HDAC4: variants seen among roughly 807,000 people sequenced by gnomAD.
HDAC4 encodes the protein histone deacetylase 4, also known as histone deacetylase A.
HDAC4 carries 16 observed loss-of-function variants against 135.1 expected under a neutral mutation model. That is an observed-to-expected ratio of 0.12 (90% CI 0.08 to 0.18). HDAC4 has a LOEUF of 0.18. Ranked by LOEUF, HDAC4 falls within the 10% of genes least tolerant of loss-of-function variation. The pLI is 1.00. For missense variants in HDAC4, 1,143 were observed against 1,511.8 expected, an observed-to-expected ratio of 0.76 and a Z score of 4.05; for synonymous variants, 685 against 653.4, an observed-to-expected ratio of 1.05 and a Z score of -0.74.
At chr2:239,353,342 C>T (rs188662732) in intron 1 of HDAC4, among the ~76,000 whole-genome samples, 2 of 152,270 alleles carry the variant, frequency 1.3e-5, no homozygotes, top group East Asian at 1.9e-4. Flanking sequence ...TTGTTCTGAC[C>T]AAGGACTGAT....
chr2:239,250,628 G>C (rs1032453681), intron 2 of HDAC4, among the ~76,000 whole-genome samples: 4 of 152,186 alleles, frequency 2.6e-5, no homozygotes, highest in Non-Finnish European at 5.9e-5. Context: ...AGCGTGCACT[G>C]GCAGTGGTGA....
chr2:239,343,640 C>T (rs1692437944), intron 2 of HDAC4, among the ~76,000 whole-genome samples: 2 of 152,246 alleles, frequency 1.3e-5, no homozygotes, highest in Admixed American at 6.5e-5. Flanking sequence ...CAGCCCATCC[C>T]TCTCGTGGCA....
At chr2:239,073,036 C>T (rs572748200) in intron 22 of HDAC4, among the ~76,000 whole-genome samples, 52 of 152,322 alleles carry the variant, frequency 3.4e-4, no homozygotes, top group Middle Eastern at 3.4e-3. Flanking sequence ...CAAGCTCAGA[C>T]GGGAGAAGAG....
intron 19 of HDAC4, among the ~76,000 whole-genome samples, chr2:239,085,041 G>GACACACACAC (rs139333488): frequency 2.9e-5 from 4 of 138,894 alleles, no homozygotes; most frequent in African/African-American, 1.1e-4. Context: ...GAGACAGACA[G>GACACACACAC]ACACACACAC....
intron 2 of HDAC4, among the ~76,000 whole-genome samples, chr2:239,266,171 T>C (rs1416792054): frequency 6.6e-6 from 1 of 152,150 alleles, no homozygotes; most frequent in African/African-American, 2.4e-5. Context: ...CACACTGCCA[T>C]AGCCCCTCGC....
At position 239,330,344 on chromosome 2, in the gene HDAC4, T is replaced by G. The variant is rs528792435; in HGVS notation, c.22+22334A>C. On this transcript the variant is annotated intron_variant, in intron 2 of 26. Transcript: ENST00000543185. ...CCTCACAGGAGACCCCGCGAGGGAG[T>G]GGCAGCTGCTAACCCTGCCTGGTTC... 2.0e-5 allele frequency among the ~76,000 whole-genome samples: 3 copies of G among 152,172 alleles called. No homozygotes were observed. In the South Asian group the frequency reaches 6.2e-4, roughly 32 times the overall value.
chr2:239,267,424 G>A (rs1415295540), intron 2 of HDAC4, among the ~76,000 whole-genome samples: 1 of 152,216 alleles, frequency 6.6e-6, no homozygotes, highest in Non-Finnish European at 1.5e-5. Context: ...GCACCACTCA[G>A]CAGTTGCCCA....
At chr2:239,187,031 T>C (rs2044597082) in intron 4 of HDAC4, 1 of 152,666 alleles carries the variant, frequency 6.6e-6, no homozygotes, top group Non-Finnish European at 1.5e-5. Flanking sequence ...GGGGTCCTAA[T>C]CATGCACTGT....
chr2:239,071,089 G>GC (rs2034151504), intron 22 of HDAC4, among the ~76,000 whole-genome samples: 1 of 152,160 alleles, frequency 6.6e-6, no homozygotes, highest in Admixed American at 6.5e-5. Context: ...AATGGAGTGA[G>GC]CAGAAGCATT....
rs140938093 is a variant in HDAC4, at chr2:239,226,665, T to TGGGG, written c.94+9924_94+9927dup. 1.5e-3 allele frequency among the ~76,000 whole-genome samples: 220 copies of TGGGG among 151,710 alleles called. 2 individuals are homozygous for TGGGG. Among genetic ancestry groups the TGGGG allele is most frequent in the Non-Finnish European group, 2.4e-3 (161 of 67,818 alleles). On this transcript the variant is annotated intron_variant, in intron 3 of 26. Coordinates refer to ENST00000543185, the MANE Select transcript of HDAC4 (RefSeq NM_001378414.1). ...GCAACAACAACAATGTAACATGTAA[T>TGGGG]GGGGGGGGTGATAAATGTAGATAAC...
chr2:239,254,739 GA>G (rs140935424), intron 2 of HDAC4, among the ~76,000 whole-genome samples: 3,585 of 152,238 alleles, frequency 0.024, 137 homozygotes, highest in African/African-American at 0.083. Flanking sequence ...AACAGATAAC[GA>G]ATGAGAATAT....
intron 3 of HDAC4, among the ~76,000 whole-genome samples, chr2:239,229,354 C>T (rs2047415441): frequency 6.6e-6 from 1 of 152,164 alleles, no homozygotes; most frequent in Non-Finnish European, 1.5e-5. Flanking sequence ...TGAGTCATGG[C>T]TATTCATACC....
At chr2:239,378,546 A>T (rs1241277122) in intron 1 of HDAC4, among the ~76,000 whole-genome samples, 1 of 150,740 alleles carries the variant, frequency 6.6e-6, no homozygotes, top group African/African-American at 2.4e-5. Flanking sequence ...CTCACCTCCC[A>T]CTCTCCTCTG....
chr2:239,384,121 G>T (rs925048246), intron 1 of HDAC4, among the ~76,000 whole-genome samples: 4 of 152,200 alleles, frequency 2.6e-5, no homozygotes, highest in African/African-American at 9.6e-5. Context: ...AAAACCCAGG[G>T]GGACCTGGCT....
chr2:239,111,052 C>T (rs574565354), intron 14 of HDAC4, among the ~76,000 whole-genome samples: 4 of 152,392 alleles, frequency 2.6e-5, no homozygotes, highest in South Asian at 4.1e-4. Context: ...GCTCCCACAG[C>T]GTGTCCCAGG....
intron 16 of HDAC4, among the ~76,000 whole-genome samples, chr2:239,096,245 C>T (rs111589657): frequency 0.071 from 10,836 of 152,098 alleles, 1,302 homozygotes; most frequent in African/African-American, 0.25. Context: ...AGAGCAACTG[C>T]GATGGCCCCA....
Position 239,115,003 on chromosome 2 carries a change from A to T in HDAC4, c.1791+50T>A. The T allele has an allele frequency of 6.3e-7, 1 of 1,599,800 alleles. No individual in the cohort carries two copies. Among genetic ancestry groups the T allele is most frequent in the Non-Finnish European group, 8.5e-7 (1 of 1,177,172 alleles). On this transcript the variant is annotated intron_variant, in intron 13 of 26. Coordinates refer to ENST00000543185, the MANE Select transcript of HDAC4 (RefSeq NM_001378414.1). The surrounding 1 kb of genome is among the most constrained non-coding windows in gnomAD (Gnocchi z 6.3). ...CACAGAAGATGCCACCTGGGGACCG[A>T]GGGTGGCTGTGCGTGCCAGCCTTCT...
At chr2:239,053,388 C>T (rs545888392) in intron 26 of HDAC4, 72 bp downstream of exon 26, 1 of 1,572,596 alleles carries the variant, frequency 6.4e-7, no homozygotes, top group Non-Finnish European at 8.7e-7. Context: ...AAGGTTCTGA[C>T]CCTGAATAGT....
chr2:239,300,975 T>C (rs1411534310), intron 2 of HDAC4, among the ~76,000 whole-genome samples: 1 of 152,220 alleles, frequency 6.6e-6, no homozygotes, highest in Non-Finnish European at 1.5e-5. Context: ...GCTTCTCTTT[T>C]CCTGGGGCTG....
Sources: gnomAD v4.1 joint callset for allele counts (sites outside exome capture counted in the v4.1 genomes callset) on GRCh38, gnomAD v4.1.1 for gene constraint, Gnocchi (gnomAD v3.1) non-coding constraint, MANE v1.5 for transcripts, NCBI Gene and HGNC (gene_info 2026-07-23, HGNC 2026-07-21) for gene names.